CEP112: variants seen among roughly 807,000 people sequenced by gnomAD.
CEP112 encodes the protein centrosomal protein 112, also known as centrosomal protein of 112 kDa.
A neutral mutation model predicts 153.0 loss-of-function variants in CEP112; 127 were observed. The ratio of observed to expected loss-of-function variants is 0.83; its 90% CI spans 0.72 to 0.96. The LOEUF (loss-of-function observed/expected upper bound fraction) is 0.96, where lower values mean the gene tolerates loss of function less well. CEP112 is among the 40% of genes least tolerant of loss of function. CEP112 has a pLI of 0.00. For missense variants in CEP112, 1,089 were observed against 1,101.2 expected, an observed-to-expected ratio of 0.99 and a Z score of 0.16; for synonymous variants, 358 against 374.4, an observed-to-expected ratio of 0.96 and a Z score of 0.51.
At chr17:66,163,283 G>A (rs2071791851) in intron 4 of CEP112, among the ~76,000 whole-genome samples, 1 of 152,036 alleles carries the variant, frequency 6.6e-6, no homozygotes, top group Non-Finnish European at 1.5e-5. Context: ...TATTTTAAGA[G>A]TAATACAACT....
intron 6 of CEP112, among the ~76,000 whole-genome samples, chr17:66,108,917 G>A (rs1031628500): frequency 2.0e-5 from 3 of 152,160 alleles, no homozygotes; most frequent in Admixed American, 6.5e-5. Context: ...TACACGTAAT[G>A]CAGTACTATT....
chr17:66,082,843 GATATTA>G (rs952332512), intron 8 of CEP112, among the ~76,000 whole-genome samples: 62 of 151,038 alleles, frequency 4.1e-4, no homozygotes, highest in Middle Eastern at 3.4e-3. Flanking sequence ...AATAAAACTA[GATATTA>G]ATATTAATAT....
intron 4 of CEP112, among the ~76,000 whole-genome samples, chr17:66,143,470 T>C (rs1212849286): frequency 6.6e-6 from 1 of 152,196 alleles, no homozygotes; most frequent in Non-Finnish European, 1.5e-5. Context: ...TCTTAGAAGC[T>C]CTCTGACAGA....
At chr17:65,865,682 T>C (rs2058459300) in intron 20 of CEP112, among the ~76,000 whole-genome samples, 1 of 152,164 alleles carries the variant, frequency 6.6e-6, no homozygotes, top group South Asian at 2.1e-4. Context: ...CAGGTTTGCT[T>C]GGGCAGGGTT....
chr17:65,861,695 C>A (rs1026334912), intron 20 of CEP112, among the ~76,000 whole-genome samples: 4 of 152,168 alleles, frequency 2.6e-5, no homozygotes, highest in South Asian at 4.1e-4. Flanking sequence ...ATTTTGATAT[C>A]ATTTTACAAT....
intron 17 of CEP112, among the ~76,000 whole-genome samples, chr17:65,971,385 A>G (rs573371036): frequency 1.8e-4 from 14 of 79,650 alleles, no homozygotes; most frequent in Non-Finnish European, 2.9e-4. Context: ...TGTACATTGC[A>G]TGTATATAGC....
At chr17:65,813,760 T>C (rs184774125) in intron 21 of CEP112, among the ~76,000 whole-genome samples, 36 of 152,332 alleles carry the variant, frequency 2.4e-4, no homozygotes, top group African/African-American at 7.2e-4. Context: ...TACACCTGTA[T>C]ATTGCTTATT....
At position 65,660,238 on chromosome 17, in the gene CEP112, C is replaced by CT. The variant is rs1335124190; in HGVS notation, c.2698-19174dup. On this transcript the variant is annotated intron_variant, in intron 24 of 26. Transcript: ENST00000535342. ...TTCCCTCCCTCCCTCCTTCCTTCCT[C>CT]TTTTTTGTTTTCTTTCTTTTTTCTT... Among the ~76,000 whole-genome samples the CT allele has an allele frequency of 1.7e-3, 174 of 101,576 alleles. 4 individuals are homozygous for CT. Among genetic ancestry groups the CT allele is most frequent in the African/African-American group, 7.4e-3 (160 of 21,558 alleles). The allele number at this position is 101,576 out of a possible 152,430, so 66.6% of individuals were successfully genotyped here. A position where few individuals can be genotyped will look rare whatever the true frequency, so the allele number is the denominator to read the frequency against.
chr17:66,078,456 T>A (rs995026693), intron 8 of CEP112, among the ~76,000 whole-genome samples: 2 of 151,812 alleles, frequency 1.3e-5, no homozygotes, highest in Non-Finnish European at 2.9e-5. Context: ...CGGGGTTTCA[T>A]CAGATTGGCC....
intron 18 of CEP112, among the ~76,000 whole-genome samples, chr17:65,937,309 C>T (rs1408634362): frequency 4.0e-5 from 4 of 100,096 alleles, no homozygotes; most frequent in South Asian, 4.5e-4. Flanking sequence ...TCTGCCCGGC[C>T]GCCATCCCAT....
At chr17:66,077,590 C>T (rs991031246) in intron 8 of CEP112, among the ~76,000 whole-genome samples, 1 of 152,182 alleles carries the variant, frequency 6.6e-6, no homozygotes, top group African/African-American at 2.4e-5. Context: ...TAAGAACAAT[C>T]GGTATTCCTG....
intron 24 of CEP112, among the ~76,000 whole-genome samples, chr17:65,643,035 C>G (rs1401777944): frequency 6.6e-6 from 1 of 152,164 alleles, no homozygotes; most frequent in East Asian, 1.9e-4. Context: ...CATCCCGGGA[C>G]AAGTGCTCCA....
chr17:65,754,337 C>T (rs1567965125), intron 21 of CEP112, among the ~76,000 whole-genome samples: 2 of 152,150 alleles, frequency 1.3e-5, no homozygotes, highest in African/African-American at 4.8e-5. Context: ...AGGCCAAGAG[C>T]AGTGGCTCAC....
intron 24 of CEP112, among the ~76,000 whole-genome samples, chr17:65,645,548 A>C (rs946127290): frequency 6.6e-6 from 1 of 152,142 alleles, no homozygotes; most frequent in African/African-American, 2.4e-5. Context: ...AAGCTCTGAG[A>C]GATCACTTTT....
At chr17:65,724,585 T>C (rs946360111) in intron 23 of CEP112, among the ~76,000 whole-genome samples, 3 of 152,238 alleles carry the variant, frequency 2.0e-5, no homozygotes, top group South Asian at 2.1e-4. Flanking sequence ...AATATACTTA[T>C]ATATGCATAT....
chr17:65,723,747 A>T (rs756453684), intron 23 of CEP112, among the ~76,000 whole-genome samples: 1 of 152,256 alleles, frequency 6.6e-6, no homozygotes, highest in Non-Finnish European at 1.5e-5. Context: ...GTTTATAGAC[A>T]TCAAAGGAAC....
chr17:65,760,693 T>C (rs1011957356), intron 21 of CEP112, among the ~76,000 whole-genome samples: 4 of 152,142 alleles, frequency 2.6e-5, no homozygotes, highest in Admixed American at 2.0e-4. Flanking sequence ...TGGAATATAA[T>C]GGTTAATAGA....
intron 24 of CEP112, among the ~76,000 whole-genome samples, chr17:65,659,777 A>G (rs1039473974): frequency 2.0e-5 from 3 of 152,238 alleles, no homozygotes; most frequent in African/African-American, 7.2e-5. Context: ...AGAAGTAAAA[A>G]GGAGCTTCAG....
chr17:65,860,367 A>G (rs370461390), intron 20 of CEP112, among the ~76,000 whole-genome samples: 8 of 149,864 alleles, frequency 5.3e-5, no homozygotes, highest in African/African-American at 1.9e-4. Flanking sequence ...AGATTAATCT[A>G]GAGTGTAAGT....
Sources: allele counts gnomAD v4.1 joint callset (sites outside exome capture counted in the v4.1 genomes callset), GRCh38; gene constraint gnomAD v4.1.1; transcripts MANE v1.5; gene names NCBI Gene and HGNC (gene_info 2026-07-23, HGNC 2026-07-21).